CSNK1G2: variants seen among roughly 807,000 people sequenced by gnomAD.
The protein encoded by CSNK1G2 is casein kinase I isoform gamma-2.
Under a neutral mutation model 48.0 loss-of-function variants are expected in CSNK1G2, and 11 were observed. The ratio of observed to expected loss-of-function variants is 0.23; its 90% confidence interval spans 0.14 to 0.38. CSNK1G2 has a LOEUF of 0.38. CSNK1G2 is among the 10% of genes least tolerant of loss of function. CSNK1G2 has a pLI of 1.00. For missense variants in CSNK1G2, 446 were observed against 595.5 expected (o/e 0.75, Z 2.61); for synonymous variants, 337 against 254.1 (o/e 1.33, Z -3.10).
Position 1,941,399 on chromosome 19 carries a change from C to T in CSNK1G2, c.-285C>T, listed in dbSNP as rs1374181506. ...GGCCGCCCAGACGCTGCCCGCGGGC[C>T]CGGCCACGGCGGAGCCAAGGTAACG... On this transcript the variant is annotated 5_prime_UTR_variant, in exon 1 of 12. Transcript: ENST00000255641. The T allele has an allele frequency of 6.7e-6, 1 of 148,848 alleles. No homozygotes were observed. The highest frequency in any genetic ancestry group is 2.0e-4 in the East Asian group (1 of 5,064). 9.2% of individuals were successfully genotyped at this position (148,848 alleles called of 1,614,324 possible). A position where few individuals can be genotyped will look rare whatever the true frequency, so the allele number is the denominator to read the frequency against.
chr19:1,975,372 A>G (rs1407736898), intron 2 of CSNK1G2: 1 of 985,472 alleles, frequency 1.0e-6, no homozygotes, highest in Non-Finnish European at 1.2e-6. Context: ...CGTGACTGAC[A>G]CTTTGCCGGA....
At position 1,941,174 on chromosome 19, in the gene CSNK1G2, A is replaced by G. The variant is rs1477866153; in HGVS notation, c.-510A>G. The G allele has an allele frequency of 2.7e-5, 4 of 146,090 alleles. No individual in the cohort carries two copies. Among genetic ancestry groups the G allele is most frequent in the Non-Finnish European group, 6.1e-5 (4 of 65,818 alleles). The allele number at this position is 146,090 out of a possible 1,614,324, so 9.0% of individuals were successfully genotyped here. On this transcript the variant is annotated 5_prime_UTR_variant, in exon 1 of 12. Coordinates refer to ENST00000255641, the MANE Select transcript of CSNK1G2 (RefSeq NM_001319.7). ...TATGGCTGCCGCCCCCCGCTGGCAG[A>G]CGCTGGCGGCGTAAGGCGCGCGGGC...
chr19:1,976,971 T>C (rs1451706175), intron 2 of CSNK1G2, among the ~76,000 whole-genome samples: 2 of 152,188 alleles, frequency 1.3e-5, no homozygotes, highest in African/African-American at 2.4e-5. Flanking sequence ...ACTCCCGACC[T>C]CAGGTGATCC....
In CSNK1G2 at chr19:1,979,756, C is replaced by G; in HGVS notation, c.1007C>G (p.Thr336Ser). 1.2e-6 allele frequency: 2 copies of G among 1,606,044 alleles called. No individual in the cohort carries two copies. Among genetic ancestry groups the G allele is most frequent in the Non-Finnish European group, 1.7e-6 (2 of 1,179,302 alleles). ...EYDWAGKPLP[T>S]PIGTVHTDLP... ...CCCCTGCTCCCTCACCCACAGCCGA[C>G]CCCCATCGGCACCGTCCACACCGAC... The change falls in exon 10 of 12, where the codon ACC becomes AGC. Residue 336 changes from threonine (T) to serine (S), a missense_variant. This residue lies in a region of CSNK1G2 where 188 missense variants were observed against 179.6 expected (regional missense o/e 1.05). Transcript: ENST00000255641.
rs759773292 is a variant in CSNK1G2 at position 1,979,656 on chromosome 19, G to T, written c.1002+13G>T. 1.2e-6 allele frequency: 2 copies of T among 1,601,980 alleles called. No individual in the cohort carries two copies. Among genetic ancestry groups the T allele is most frequent in the South Asian group, 1.1e-5 (1 of 91,074 alleles). ...CGGGAAGCCCCTGGTAGGTGGGGGG[G>T]TGCCGGTATGTGGGAGCGGGGGACC... On this transcript the variant is annotated intron_variant, in intron 9 of 11. Coordinates refer to ENST00000255641, the MANE Select transcript of CSNK1G2 (RefSeq NM_001319.7).
chr19:1,957,224 C>T lies in CSNK1G2; in HGVS notation c.-265-12284C>T, dbSNP rs1398359329. Among the ~76,000 whole-genome samples, 1 of 152,200 alleles carries T rather than the reference C, an allele frequency of 6.6e-6. No homozygotes were observed. Among genetic ancestry groups the T allele is most frequent in the Non-Finnish European group, 1.5e-5 (1 of 68,030 alleles). ...CCCACAGGCCCGAGGGCCACCGTGT[C>T]AGGAGGGATAGCCTACACGGAGAGC... is the stretch of plus-strand genomic sequence containing the variant. On this transcript the variant is annotated intron_variant, in intron 1 of 11. Transcript: ENST00000255641. This position sits in a 1 kb window ranked among gnomAD's most constrained non-coding sequence, Gnocchi z 5.4.
At chr19:1,973,041 C>T (rs1028144747) in intron 2 of CSNK1G2, among the ~76,000 whole-genome samples, 21 of 151,546 alleles carry the variant, frequency 1.4e-4, no homozygotes, top group African/African-American at 4.9e-4. Flanking sequence ...CATTCTCCTG[C>T]CTCAGTCTCC....
chr19:1,959,715 CCCT>C (rs1169427797), intron 1 of CSNK1G2, among the ~76,000 whole-genome samples: 6 of 116,324 alleles, frequency 5.2e-5, no homozygotes, highest in East Asian at 2.6e-4. Flanking sequence ...TTTAGTGCCA[CCCT>C]GAGTCCTCCA....
Position 1,966,153 on chromosome 19 carries a change from C to T in CSNK1G2, c.-265-3355C>T, listed in dbSNP as rs118087441. ...TAAGGCTCTAGGTGCCTGTAGGTGC[C>T]GTGGAGAGCAATTCCTCTGATGGAG... is the stretch of plus-strand genomic sequence containing the variant. On this transcript the variant is annotated intron_variant, in intron 1 of 11. Transcript: ENST00000255641. Among the ~76,000 whole-genome samples, 491 of 152,254 alleles carry T rather than the reference C, an allele frequency of 3.2e-3. 5 individuals are homozygous for T. Among genetic ancestry groups the T allele is most frequent in the Admixed American group, 4.5e-3 (69 of 15,296 alleles).
intron 2 of CSNK1G2, chr19:1,974,639 C>G (rs1452231924): frequency 2.0e-5 from 3 of 152,238 alleles, no homozygotes; most frequent in Admixed American, 1.3e-4. Context: ...GTGCCGTCTC[C>G]CGGCTTGAGC....
At chr19:1,952,351 C>A (rs2014796350) in intron 1 of CSNK1G2, among the ~76,000 whole-genome samples, 1 of 151,520 alleles carries the variant, frequency 6.6e-6, no homozygotes, top group South Asian at 2.1e-4. Flanking sequence ...GAGACAGAGT[C>A]TTGCTCTGTC....
chr19:1,969,530 C>A lies in CSNK1G2; in HGVS notation c.-243C>A, dbSNP rs1037403237. ...CAGCTGTGAGCCGTGAGCTTTGAGG[C>A]GGTGGGATGTGTCAGCAGAATGTCT... On this transcript the variant is annotated 5_prime_UTR_variant, in exon 2 of 12. Transcript: ENST00000255641. 1.2e-5 allele frequency: 4 copies of A among 339,602 alleles called. No homozygotes were observed. In the Admixed American group the frequency reaches 1.5e-4, roughly 12 times the overall value. 21.0% of individuals were successfully genotyped at this position (339,602 alleles called of 1,614,324 possible). A position where few individuals can be genotyped will look rare whatever the true frequency, so the allele number is the denominator to read the frequency against.
chr19:1,947,703 G>A (rs952484344), intron 1 of CSNK1G2, among the ~76,000 whole-genome samples: 2 of 152,248 alleles, frequency 1.3e-5, no homozygotes, highest in Non-Finnish European at 2.9e-5. Flanking sequence ...GAGCCTGCAG[G>A]TGGGCTGGGA....
intron 2 of CSNK1G2, among the ~76,000 whole-genome samples, chr19:1,972,747 C>T (rs2015614989): frequency 6.6e-6 from 1 of 152,116 alleles, no homozygotes. Flanking sequence ...CTCAGCCTCC[C>T]GAGTAGCTGG....
intron 1 of CSNK1G2, among the ~76,000 whole-genome samples, chr19:1,955,943 T>C (rs111380768): frequency 0.025 from 3,836 of 152,284 alleles, 170 homozygotes; most frequent in African/African-American, 0.087. Flanking sequence ...CCAAGACCAC[T>C]GTATCAGAAC....
intron 1 of CSNK1G2, among the ~76,000 whole-genome samples, chr19:1,963,848 G>A (rs1324428808): frequency 1.5e-5 from 2 of 136,816 alleles, no homozygotes; most frequent in Non-Finnish European, 3.1e-5. Flanking sequence ...ACAGAATCTC[G>A]CTCTGTCGCC....
intron 2 of CSNK1G2, among the ~76,000 whole-genome samples, chr19:1,973,372 C>T (rs981616364): frequency 6.6e-6 from 1 of 152,060 alleles, no homozygotes; most frequent in African/African-American, 2.4e-5. Flanking sequence ...AGGTGCCTGC[C>T]ACCACGCCCA....
At chr19:1,948,436 T>C (rs2014644367) in intron 1 of CSNK1G2, among the ~76,000 whole-genome samples, 1 of 140,620 alleles carries the variant, frequency 7.1e-6, no homozygotes, top group South Asian at 2.2e-4. Context: ...GGGAGGAGAA[T>C]GGCATGAACC....
At chr19:1,958,035 C>T (rs116194357) in intron 1 of CSNK1G2, among the ~76,000 whole-genome samples, 1,937 of 152,176 alleles carry the variant, frequency 0.013, 43 homozygotes, top group African/African-American at 0.044. Flanking sequence ...CGCGTCCTGA[C>T]GACGGCACTG....
Sources: allele counts gnomAD v4.1 joint callset (sites outside exome capture counted in the v4.1 genomes callset), GRCh38; gene constraint gnomAD v4.1.1; regional missense constraint gnomAD v4.1.1; non-coding constraint Gnocchi (gnomAD v3.1); transcripts MANE v1.5; gene names NCBI Gene and HGNC (gene_info 2026-07-23, HGNC 2026-07-21).